Variants in CACNA1C observed in about 807,000 individuals in gnomAD.
CACNA1C encodes the protein voltage-dependent L-type calcium channel subunit alpha-1C.
Under a neutral mutation model 229.0 loss-of-function variants are expected in CACNA1C, and 30 were observed. The ratio of observed to expected loss-of-function variants is 0.13; its 90% confidence interval spans 0.10 to 0.18. The LOEUF (loss-of-function observed/expected upper bound fraction) is 0.18. Ranked by LOEUF, CACNA1C falls within the 10% of genes least tolerant of loss-of-function variation. The probability of loss-of-function intolerance (pLI) is 1.00; values close to 1 mark genes in which losing one functional copy is unlikely to be tolerated. For synonymous variants in CACNA1C, 1,114 were observed against 1,132.5 expected, an observed-to-expected ratio of 0.98 and a Z score of 0.33; for missense variants, 1,658 against 2,845.0, an observed-to-expected ratio of 0.58 and a Z score of 9.49.
intron 3 of CACNA1C, among the ~76,000 whole-genome samples, chr12:2,312,929 C>T (rs2095510682): frequency 6.6e-6 from 1 of 152,144 alleles, no homozygotes; most frequent in South Asian, 2.1e-4. Context: ...ATGTTAAAAT[C>T]AGGGCCTTTG....
intron 3 of CACNA1C, among the ~76,000 whole-genome samples, chr12:2,239,815 C>T (rs950206847): frequency 2.6e-5 from 4 of 152,210 alleles, no homozygotes; most frequent in African/African-American, 9.6e-5. Context: ...AGCCAGCGAG[C>T]ATCTGCGGGG....
At chr12:2,184,024 A>G (rs1212404222) in intron 3 of CACNA1C, among the ~76,000 whole-genome samples, 5 of 152,258 alleles carry the variant, frequency 3.3e-5, no homozygotes, top group South Asian at 4.1e-4. Context: ...AGCTTTTGCA[A>G]TTGTTCCTAA....
intron 1 of CACNA1C, among the ~76,000 whole-genome samples, chr12:2,104,560 A>C (rs368174190): frequency 6.6e-6 from 1 of 152,268 alleles, no homozygotes; most frequent in East Asian, 1.9e-4. Flanking sequence ...AATACCCTTT[A>C]TTTCTTTCTC....
In CACNA1C at chr12:2,696,498, G is replaced by A. The variant is rs1459417363; in HGVS notation, c.*5299G>A. 1 of 151,910 alleles carries A rather than the reference G, an allele frequency of 6.6e-6. No homozygotes were observed. The highest frequency in any genetic ancestry group is 2.4e-5 in the African/African-American group (1 of 41,310). The allele number at this position is 151,910 out of a possible 1,614,324, so 9.4% of individuals were successfully genotyped here. On this transcript the variant is annotated 3_prime_UTR_variant, in exon 47 of 47. Coordinates refer to ENST00000399655, the MANE Select transcript of CACNA1C (RefSeq NM_000719.7). Reference sequence around the variant, plus strand: ...GGATCTAAGGAATTTGACTTTGTAGGGATCCCAGAAAGGGCACTGTGCCAC... The same window carrying A: ...GGATCTAAGGAATTTGACTTTGTAGAGATCCCAGAAAGGGCACTGTGCCAC...
rs1222771573 is a variant in CACNA1C, at chr12:2,410,791, G to A, written c.478-38185G>A. Among the ~76,000 whole-genome samples, 2 of 149,120 alleles carry A rather than the reference G, an allele frequency of 1.3e-5. No homozygotes were observed. Among genetic ancestry groups the A allele is most frequent in the Non-Finnish European group, 3.0e-5 (2 of 67,274 alleles). ...CTAGTTGTCAGGATGGCTCCCCTGTGTGTGTATATGTGTGTGTGTGCGTGT... is the reference window on the plus strand; with the variant it reads ...CTAGTTGTCAGGATGGCTCCCCTGTATGTGTATATGTGTGTGTGTGCGTGT... On this transcript the variant is annotated intron_variant, in intron 3 of 46. Coordinates refer to ENST00000399655, the MANE Select transcript of CACNA1C (RefSeq NM_000719.7). This position sits in a 1 kb window ranked among gnomAD's most constrained non-coding sequence, Gnocchi z 5.3.
intron 18 of CACNA1C, among the ~76,000 whole-genome samples, chr12:2,589,938 C>T (rs2064441906): frequency 6.6e-6 from 1 of 152,062 alleles, no homozygotes; most frequent in African/African-American, 2.4e-5. Flanking sequence ...TCTAATTGAG[C>T]CAGCGAAGAG....
chr12:2,441,114 A>T (rs1270655408), intron 3 of CACNA1C, among the ~76,000 whole-genome samples: 2 of 152,168 alleles, frequency 1.3e-5, no homozygotes, highest in African/African-American at 2.4e-5. Flanking sequence ...TTGTACTGAG[A>T]TGGAATTGCA....
chr12:2,587,482 A>C (rs2063031210), intron 18 of CACNA1C, among the ~76,000 whole-genome samples: 1 of 152,232 alleles, frequency 6.6e-6, no homozygotes, highest in Admixed American at 6.5e-5. Context: ...AGCTGCAGCC[A>C]GGCCTGTACG....
intron 3 of CACNA1C, among the ~76,000 whole-genome samples, chr12:2,443,382 G>A (rs572176400): frequency 6.6e-6 from 1 of 152,332 alleles, no homozygotes; most frequent in East Asian, 1.9e-4. Flanking sequence ...GGTGTGAGGG[G>A]TGGGCTCCCA....
At position 2,587,446 on chromosome 12, in the gene CACNA1C, A is replaced by G. The variant is rs78734984; in HGVS notation, c.2530+1542A>G. On this transcript the variant is annotated intron_variant, in intron 18 of 46. Coordinates refer to ENST00000399655, the MANE Select transcript of CACNA1C (RefSeq NM_000719.7). Reference sequence around the variant, plus strand: ...GCACACACAACAGGGCAGATCTAGCATGAGGGTCTTTTCACACAGGCACCC... The same window carrying G: ...GCACACACAACAGGGCAGATCTAGCGTGAGGGTCTTTTCACACAGGCACCC... Among the ~76,000 whole-genome samples, 77 of 152,346 alleles carry G rather than the reference A, an allele frequency of 5.1e-4. No homozygotes were observed. In the East Asian group the frequency reaches 0.013, roughly 27 times the overall value.
At chr12:2,349,052 G>GGGTTA (rs2097131492) in intron 3 of CACNA1C, among the ~76,000 whole-genome samples, 1 of 152,062 alleles carries the variant, frequency 6.6e-6, no homozygotes, top group Non-Finnish European at 1.5e-5. Context: ...AAAAGACTGT[G>GGGTTA]GGTTATCTTA....
intron 3 of CACNA1C, among the ~76,000 whole-genome samples, chr12:2,408,895 C>T (rs921078647): frequency 3.9e-5 from 6 of 152,170 alleles, no homozygotes; most frequent in African/African-American, 1.4e-4. Flanking sequence ...ATTTCCAGGG[C>T]ACCAGTCATA....
At chr12:2,237,930 A>C (rs2068094467) in intron 3 of CACNA1C, among the ~76,000 whole-genome samples, 2 of 152,132 alleles carry the variant, frequency 1.3e-5, no homozygotes, top group Non-Finnish European at 1.5e-5. Flanking sequence ...CGTACCCAAA[A>C]CATTTCCAGT....
chr12:2,296,674 A>G (rs1314315303), intron 3 of CACNA1C, among the ~76,000 whole-genome samples: 1 of 152,190 alleles, frequency 6.6e-6, no homozygotes, highest in East Asian at 1.9e-4. Context: ...CCGTAGAGCC[A>G]AGGAGTGAGG....
rs117228917 is a variant in CACNA1C, at chr12:2,601,162, A to G, written c.2854-692A>G. ...AGATGTAGTCTAGAAGCAGGACAGT[A>G]GAATTGAGTTTAGAATATTTGGCAT... On this transcript the variant is annotated intron_variant, in intron 21 of 46. Transcript: ENST00000399655. The surrounding 1 kb of genome is among the most constrained non-coding windows in gnomAD (Gnocchi z 5.9). Among the ~76,000 whole-genome samples the G allele has an allele frequency of 4.6e-5, 7 of 152,332 alleles. No homozygotes were observed. Among genetic ancestry groups the G allele is most frequent in the Non-Finnish European group, 8.8e-5 (6 of 68,022 alleles).
At chr12:2,265,469 G>A (rs1305062092) in intron 3 of CACNA1C, among the ~76,000 whole-genome samples, 1 of 152,152 alleles carries the variant, frequency 6.6e-6, no homozygotes, top group African/African-American at 2.4e-5. Flanking sequence ...TGCAGAGTGG[G>A]GGGCTGGAAC....
chr12:2,449,684 T>C (rs1427798934), intron 4 of CACNA1C, among the ~76,000 whole-genome samples: 1 of 152,212 alleles, frequency 6.6e-6, no homozygotes, highest in Non-Finnish European at 1.5e-5. Context: ...GCACACACGG[T>C]TGGACCTGAG....
At chr12:2,035,300 A>C (rs1043183628) in intron 1 of CACNA1C, among the ~76,000 whole-genome samples, 1 of 152,248 alleles carries the variant, frequency 6.6e-6, no homozygotes, top group African/African-American at 2.4e-5. Context: ...CGAGAAAACC[A>C]TTCTTTCCTC....
At chr12:2,615,920 C>T (rs1009901568) in intron 29 of CACNA1C, among the ~76,000 whole-genome samples, 6 of 152,166 alleles carry the variant, frequency 3.9e-5, no homozygotes, top group Non-Finnish European at 5.9e-5. Flanking sequence ...GGGTTCACCC[C>T]GTGGAAGGCT....
Sources: gnomAD v4.1 joint callset for allele counts (sites outside exome capture counted in the v4.1 genomes callset) on GRCh38, gnomAD v4.1.1 for gene constraint, Gnocchi (gnomAD v3.1) non-coding constraint, MANE v1.5 for transcripts, NCBI Gene and HGNC (gene_info 2026-07-23, HGNC 2026-07-21) for gene names.